The following KIF1A variants were observed in gnomAD, a reference collection of about 807,000 sequenced individuals.
KIF1A encodes kinesin-like protein KIF1A.
KIF1A carries 46 observed loss-of-function variants against 227.3 expected under a neutral mutation model. The ratio of observed to expected loss-of-function variants is 0.20; its 90% confidence interval spans 0.16 to 0.26. The LOEUF is 0.26. Ranked by LOEUF, KIF1A falls within the 10% of genes least tolerant of loss-of-function variation. The pLI, the probability that KIF1A is intolerant of heterozygous loss-of-function variation, is 1.00. For synonymous variants in KIF1A, 1,022 were observed against 1,012.8 expected (o/e 1.01, Z -0.17); for missense variants, 1,683 against 2,485.9 (o/e 0.68, Z 6.87).
rs1450388959 is a variant in KIF1A, at chr2:240,793,919, CCGCCAT to C, written c.106+3722_106+3727del. ...TCCTCTGAGGGGCCCCGCACAGTCC[CCGCCAT>C]CTTCCGAGGGGCCTGGCACACCAGC... On this transcript the variant is annotated intron_variant, in intron 2 of 48. Coordinates refer to ENST00000498729, the MANE Select transcript of KIF1A (RefSeq NM_001244008.2). The surrounding 1 kb of genome is among the most constrained non-coding windows in gnomAD (Gnocchi z 4.8). 2.6e-5 allele frequency among the ~76,000 whole-genome samples: 4 copies of C among 152,154 alleles called. No homozygotes were observed. The highest frequency in any genetic ancestry group is 6.5e-5 in the Admixed American group (1 of 15,280).
chr2:240,722,599 G>T lies in KIF1A; in HGVS notation c.4522C>A (p.Pro1508Thr). 1.3e-6 allele frequency: 2 copies of T among 1,564,462 alleles called. No individual in the cohort carries two copies. The highest frequency in any genetic ancestry group is 1.7e-6 in the Non-Finnish European group (2 of 1,154,430). Residue 1508 changes from proline (P) to threonine (T), a missense_variant, in exon 43 of 49, where the codon CCT (proline) becomes ACT (threonine). Coordinates refer to ENST00000498729, the MANE Select transcript of KIF1A (RefSeq NM_001244008.2). ...GCCGGGGACAGTGCCTCCGGGACAG[G>T]CCGCTGGGCGGTCTCCAGCTTCTCC... ...LREKLETAQR[P>T]VPEALSPAFS...
intron 47 of KIF1A, among the ~76,000 whole-genome samples, chr2:240,718,705 T>G (rs2044876347): frequency 6.6e-6 from 1 of 152,174 alleles, no homozygotes; most frequent in South Asian, 2.1e-4. Flanking sequence ...CTTGGGTGAC[T>G]CCGGAGGAGG....
chr2:240,786,662 G>A (rs1046829687), intron 5 of KIF1A, 149 bp from the exon 6 acceptor site: 94 of 661,424 alleles, frequency 1.4e-4, no homozygotes, highest in African/African-American at 1.3e-3. Context: ...GAGTGAGGGG[G>A]TGGGGGCCAC....
chr2:240,721,332 T>A (rs1233202655), intron 44 of KIF1A, among the ~76,000 whole-genome samples: 1 of 152,210 alleles, frequency 6.6e-6, no homozygotes, highest in Non-Finnish European at 1.5e-5. Context: ...CTCCTGCCCA[T>A]GCCAGCGTGA....
chr2:240,783,922 G>A (rs1487986263), intron 7 of KIF1A, 106 bp from the exon 8 acceptor site: 2 of 872,794 alleles, frequency 2.3e-6, no homozygotes, highest in Non-Finnish European at 3.7e-6. Context: ...CCCTGGCCAA[G>A]CGTCCCCTCT....
Position 240,731,759 on chromosome 2 carries a change from G to C in KIF1A, c.4008-4819C>G, listed in dbSNP as rs867373425. Among the ~76,000 whole-genome samples the C allele has an allele frequency of 5.3e-4, 80 of 152,278 alleles. 1 individual carries two copies. Among genetic ancestry groups the C allele is most frequent in the African/African-American group, 1.8e-3 (74 of 41,568 alleles). On this transcript the variant is annotated intron_variant, in intron 38 of 48. Coordinates refer to ENST00000498729, the MANE Select transcript of KIF1A (RefSeq NM_001244008.2). ...AGACCCCCACAGTCCCCCTCGCCCT[G>C]GCTGACACTGTCGCTGGACTCTGGC...
chr2:240,745,313 A>G, intron 32 of KIF1A, 114 bp downstream of exon 32: 2 of 847,810 alleles, frequency 2.4e-6, no homozygotes, highest in Admixed American at 2.0e-5. Context: ...CCCGGTGCAC[A>G]AGGCAGTCCT....
In KIF1A at chr2:240,757,215, G is replaced by T; in HGVS notation, c.2858+104C>A. On this transcript the variant is annotated intron_variant, in intron 27 of 48. Coordinates refer to ENST00000498729, the MANE Select transcript of KIF1A (RefSeq NM_001244008.2). The surrounding 1 kb of genome is among the most constrained non-coding windows in gnomAD (Gnocchi z 6.2). Reference sequence around the variant, plus strand: ...CCCCTCCACCTGCCTCGCCTGCCCTGGGAGGGCCCGGGCCAGGCCCCAGCG... The same window carrying T: ...CCCCTCCACCTGCCTCGCCTGCCCTTGGAGGGCCCGGGCCAGGCCCCAGCG... 8.2e-7 allele frequency: 1 copy of T among 1,213,820 alleles called. No homozygotes were observed. Among genetic ancestry groups the T allele is most frequent in the Non-Finnish European group, 1.2e-6 (1 of 863,162 alleles). 75.2% of individuals were successfully genotyped at this position (1,213,820 alleles called of 1,614,324 possible).
chr2:240,764,249 T>C (rs576659980), intron 20 of KIF1A, among the ~76,000 whole-genome samples: 2 of 152,212 alleles, frequency 1.3e-5, no homozygotes, highest in African/African-American at 4.8e-5. Flanking sequence ...CCACAGGCCG[T>C]ATGCAGCCCA....
intron 35 of KIF1A, 34 bp downstream of exon 35, chr2:240,741,235 C>A: frequency 6.9e-7 from 1 of 1,458,178 alleles, no homozygotes; most frequent in Non-Finnish European, 9.4e-7. Flanking sequence ...CCGACACACA[C>A]TCACGCCCTG....
chr2:240,768,280 G>C (rs1447990195), intron 17 of KIF1A, among the ~76,000 whole-genome samples: 1 of 152,224 alleles, frequency 6.6e-6, no homozygotes, highest in Non-Finnish European at 1.5e-5. Context: ...CAAACCAAAG[G>C]CCTGTCTAGA....
chr2:240,783,939 C>A, intron 7 of KIF1A, 123 bp from the exon 8 acceptor site: 1 of 731,798 alleles, frequency 1.4e-6, no homozygotes, highest in Non-Finnish European at 2.4e-6. Context: ...CTCTGCAAGG[C>A]GCCGCCCCTC....
chr2:240,753,469 A>G (rs1175939545), intron 27 of KIF1A, among the ~76,000 whole-genome samples: 1 of 152,136 alleles, frequency 6.6e-6, no homozygotes, highest in Non-Finnish European at 1.5e-5. Flanking sequence ...CACAGCACAG[A>G]CTCGAGTGCC....
rs1001958075 is a variant in KIF1A, at chr2:240,736,891, G to T, written c.4007+172C>A. Reference sequence around the variant, plus strand: ...GAGGTGCACAAACGAGGAGCCGGGGGTGCAGAGGCCACCAGCCCCTCACCG... The same window carrying T: ...GAGGTGCACAAACGAGGAGCCGGGGTTGCAGAGGCCACCAGCCCCTCACCG... On this transcript the variant is annotated intron_variant, in intron 38 of 48. Transcript: ENST00000498729. This position sits in a 1 kb window ranked among gnomAD's most constrained non-coding sequence, Gnocchi z 4.7. 1.3e-5 allele frequency among the ~76,000 whole-genome samples: 2 copies of T among 152,194 alleles called. No homozygotes were observed. Among genetic ancestry groups the T allele is most frequent in the Admixed American group, 6.5e-5 (1 of 15,284 alleles).
chr2:240,725,030 G>A lies in KIF1A; in HGVS notation c.4256+241C>T, dbSNP rs571388929. ...CTGCCCCTCCTCCCATCCGCTGCAG[G>A]CTGGCCCTCAAGTCCCTCATAGTGG... On this transcript the variant is annotated intron_variant, in intron 40 of 48. Coordinates refer to ENST00000498729, the MANE Select transcript of KIF1A (RefSeq NM_001244008.2). The surrounding 1 kb of genome is among the most constrained non-coding windows in gnomAD (Gnocchi z 5.8). Among the ~76,000 whole-genome samples the A allele has an allele frequency of 6.6e-6, 1 of 150,848 alleles. No individual in the cohort carries two copies. The highest frequency in any genetic ancestry group is 2.0e-4 in the East Asian group (1 of 5,036).
chr2:240,736,416 GC>G lies in KIF1A; in HGVS notation c.4007+646del, dbSNP rs1187819555. Among the ~76,000 whole-genome samples the G allele has an allele frequency of 2.6e-5, 4 of 152,122 alleles. No homozygotes were observed. Among genetic ancestry groups the G allele is most frequent in the Non-Finnish European group, 2.9e-5 (2 of 68,010 alleles). ...CGGGACGTCCCCACCCACCAGGGCTGCCCCTGGCAGTGCTGAGCCACCTGCC... is the reference window on the plus strand; with the variant it reads ...CGGGACGTCCCCACCCACCAGGGCTGCCCTGGCAGTGCTGAGCCACCTGCC... On this transcript the variant is annotated intron_variant, in intron 38 of 48. Transcript: ENST00000498729. The surrounding 1 kb of genome is among the most constrained non-coding windows in gnomAD (Gnocchi z 4.7).
At chr2:240,756,874 G>C (rs2049902204) in intron 27 of KIF1A, among the ~76,000 whole-genome samples, 2 of 152,238 alleles carry the variant, frequency 1.3e-5, no homozygotes, top group African/African-American at 4.8e-5. Flanking sequence ...CCAGGAGAAT[G>C]ACAGGACGGG....
At chr2:240,753,061 C>T (rs993205662) in intron 27 of KIF1A, among the ~76,000 whole-genome samples, 1 of 152,232 alleles carries the variant, frequency 6.6e-6, no homozygotes, top group African/African-American at 2.4e-5. Context: ...GCCCTGGGCT[C>T]TGGGGCCATC....
rs1411201109 is a variant in KIF1A, at chr2:240,778,322, G to A, written c.883-2396C>T. On this transcript the variant is annotated intron_variant, in intron 10 of 48. Coordinates refer to ENST00000498729, the MANE Select transcript of KIF1A (RefSeq NM_001244008.2). The surrounding 1 kb of genome is among the most constrained non-coding windows in gnomAD (Gnocchi z 7.2). The stretch of plus-strand genomic sequence containing the variant: ...CTACATAGGGCCTCGTTACACAGGC[G>A]TTCCTCACCATTCTCCACACGCCAG... Among the ~76,000 whole-genome samples, 4 of 151,750 alleles carry A rather than the reference G, an allele frequency of 2.6e-5. No individual in the cohort carries two copies. The highest frequency in any genetic ancestry group is 2.1e-4 in the South Asian group (1 of 4,800).
Sources: gnomAD v4.1 joint callset for allele counts (sites outside exome capture counted in the v4.1 genomes callset) on GRCh38, gnomAD v4.1.1 for gene constraint, Gnocchi (gnomAD v3.1) non-coding constraint, MANE v1.5 for transcripts, NCBI Gene and HGNC (gene_info 2026-07-23, HGNC 2026-07-21) for gene names.